PPL: variants seen among roughly 807,000 people sequenced by gnomAD.
The protein encoded by PPL is periplakin.
In PPL, 198 loss-of-function variants were observed where a neutral mutation model predicts 194.4. That is an observed-to-expected ratio of 1.02 (90% CI 0.91 to 1.15). The LOEUF (loss-of-function observed/expected upper bound fraction) is 1.15. PPL is among the 50% of genes most tolerant of loss of function. The pLI, the probability that PPL is intolerant of heterozygous loss-of-function variation, is 0.00. For synonymous variants in PPL, 1,220 were observed against 972.4 expected, an observed-to-expected ratio of 1.25 and a Z score of -4.74; for missense variants, 2,885 against 2,294.8, an observed-to-expected ratio of 1.26 and a Z score of -5.25.
chr16:4,899,425 C>T (rs751141639), intron 6 of PPL, 41 bp from the exon 7 acceptor site: 18 of 1,565,764 alleles, frequency 1.1e-5, no homozygotes, highest in African/African-American at 4.0e-5. Context: ...GTCCTCAGCC[C>T]GCTGCCACTG....
At chr16:4,912,334 A>G (rs554173276) in intron 1 of PPL, among the ~76,000 whole-genome samples, 5 of 152,368 alleles carry the variant, frequency 3.3e-5, no homozygotes, top group African/African-American at 1.2e-4. Context: ...GCCTTCTCTC[A>G]GCATAATGTT....
chr16:4,892,516 C>T (rs1266163430), intron 14 of PPL, among the ~76,000 whole-genome samples: 1 of 151,748 alleles, frequency 6.6e-6, no homozygotes, highest in Non-Finnish European at 1.5e-5. Context: ...TTGCGGCAAC[C>T]CCGGGAGGTG....
At chr16:4,892,296 C>A in intron 14 of PPL, 83 bp from the exon 15 acceptor site, 1 of 1,440,444 alleles carries the variant, frequency 6.9e-7, no homozygotes, top group Non-Finnish European at 9.4e-7. Context: ...AGCACAGATT[C>A]CCACATCAGG....
chr16:4,887,479 A>C (rs28478621), intron 20 of PPL, among the ~76,000 whole-genome samples: 11,412 of 152,178 alleles, frequency 0.075, 1,473 homozygotes, highest in African/African-American at 0.26. Context: ...CTCTTAGAGC[A>C]CCAGTGTTCT....
At chr16:4,898,110 G>GC (rs1428238173) in intron 8 of PPL, among the ~76,000 whole-genome samples, 1 of 152,224 alleles carries the variant, frequency 6.6e-6, no homozygotes, top group East Asian at 1.9e-4. Flanking sequence ...AGGCATGGTG[G>GC]CTCACACCTG....
Position 4,927,327 on chromosome 16 carries a change from G to A in PPL, c.62+9657C>T, listed in dbSNP as rs56091930. 9.7e-3 allele frequency among the ~76,000 whole-genome samples: 1,477 copies of A among 152,300 alleles called. 17 individuals are homozygous for A. Among genetic ancestry groups the A allele is most frequent in the African/African-American group, 0.034 (1,401 of 41,556 alleles). On this transcript the variant is annotated intron_variant, in intron 1 of 21. Coordinates refer to ENST00000345988, the MANE Select transcript of PPL (RefSeq NM_002705.5). ...TATCTCAAAGACAAGAGGGAGCGAG[G>A]CAATCCATGTAACTATGTGGTTCCC...
chr16:4,923,328 G>C (rs2089088403), intron 1 of PPL, among the ~76,000 whole-genome samples: 2 of 152,204 alleles, frequency 1.3e-5, no homozygotes, highest in Admixed American at 1.3e-4. Flanking sequence ...TCTTTTCTGA[G>C]AGCATTTGGG....
In PPL at chr16:4,893,224, T is replaced by C. The variant is rs370155540; in HGVS notation, c.1639A>G (p.Lys547Glu). The C allele has an allele frequency of 1.1e-5, 17 of 1,570,882 alleles. No individual in the cohort carries two copies. Among genetic ancestry groups the C allele is most frequent in the Admixed American group, 7.1e-5 (4 of 56,036 alleles). ...RAVQDSAERA[K>E]DLKNITNELL... ...TGACCCGCAGGTACCTTGAGGTCCT[T>C]GGCCCGCTCGGCACTGTCCTGCACA... is the stretch of plus-strand genomic sequence containing the variant. The change falls in exon 14 of 22, where the codon AAG becomes GAG. Residue 547 changes from lysine to glutamate, a missense_variant. Coordinates refer to ENST00000345988, the MANE Select transcript of PPL (RefSeq NM_002705.5).
chr16:4,888,836 A>T, intron 19 of PPL, 142 bp downstream of exon 19: 1 of 778,140 alleles, frequency 1.3e-6, no homozygotes, highest in Non-Finnish European at 2.3e-6. Context: ...AGCCTGTGCC[A>T]GTTTGCACAG....
At position 4,884,174 on chromosome 16, in the gene PPL, T is replaced by A. The variant is rs1364857530; in HGVS notation, c.4481A>T (p.Glu1494Val). 1 of 1,613,772 alleles carries A rather than the reference T, an allele frequency of 6.2e-7. No homozygotes were observed. Among genetic ancestry groups the A allele is most frequent in the African/African-American group, 1.3e-5 (1 of 74,904 alleles). Residue 1494 changes from glutamate to valine, a missense_variant, in exon 22 of 22, where the codon GAG (glutamate) becomes GTG (valine). Transcript: ENST00000345988. The surrounding 1 kb of genome is among the most constrained non-coding windows in gnomAD (Gnocchi z 5.7). ...RRKLAALEKA[E>V]VKEKVVLSES... ...GGAGAGCACCACCTTCTCCTTGACC[T>A]CCGCCTTCTCCAGTGCAGCCAGTTT...
intron 2 of PPL, 137 bp downstream of exon 2, chr16:4,910,713 A>G: frequency 1.3e-6 from 1 of 771,376 alleles, no homozygotes; most frequent in Non-Finnish European, 2.2e-6. Flanking sequence ...AAGCAGTGAC[A>G]ACCAAAATGT....
At chr16:4,917,058 G>A (rs949269642) in intron 1 of PPL, among the ~76,000 whole-genome samples, 1 of 152,076 alleles carries the variant, frequency 6.6e-6, no homozygotes, top group Admixed American at 6.5e-5. Context: ...CTTGAACCTG[G>A]GAGGCGGAGG....
chr16:4,888,943 C>A, intron 19 of PPL, 35 bp downstream of exon 19: 3 of 1,594,766 alleles, frequency 1.9e-6, no homozygotes, highest in Non-Finnish European at 2.6e-6. Flanking sequence ...AAGACCCCTG[C>A]TGTTTGTGCT....
At chr16:4,887,881 C>T (rs953272472) in intron 20 of PPL, among the ~76,000 whole-genome samples, 1 of 152,224 alleles carries the variant, frequency 6.6e-6, no homozygotes, top group South Asian at 2.1e-4. Flanking sequence ...CAGGTGTGAG[C>T]CACTGCGCCC....
chr16:4,892,278 C>G, intron 14 of PPL, 65 bp from the exon 15 acceptor site: 2 of 1,516,108 alleles, frequency 1.3e-6, no homozygotes, highest in Non-Finnish European at 1.8e-6. Context: ...GAGGATGTGC[C>G]CAGGGTGAGC....
chr16:4,936,996 A>G lies in PPL; in HGVS notation c.50T>C (p.Val17Ala), dbSNP rs755750230. The change falls in exon 1 of 22, where the codon GTG (valine) becomes GCG (alanine). Residue 17 changes from valine (V) to alanine (A), a missense_variant. Transcript: ENST00000345988. The stretch of plus-strand genomic sequence containing the variant: ...GGCGCCTCCTCACCTCCGGGTCTGC[A>G]CAGTGGGGCTGTATTTGCCTTTGTT... ...KRNKGKYSPT[V>A]QTRSISNKEL... 1.9e-6 allele frequency: 3 copies of G among 1,571,484 alleles called. No individual in the cohort carries two copies. The African/African-American group carries it at 4.2e-5, about 22-fold the overall frequency.
intron 1 of PPL, among the ~76,000 whole-genome samples, chr16:4,919,889 CACCA>C (rs1568047787): frequency 6.6e-6 from 1 of 151,970 alleles, no homozygotes; most frequent in Non-Finnish European, 1.5e-5. Flanking sequence ...AGTGAGATCG[CACCA>C]CTGCATTCCA....
chr16:4,889,238 G>GTTGGTTTTTTTTTTTTTTTTTTTTT, intron 18 of PPL, among the ~76,000 whole-genome samples, 177 bp from the exon 19 acceptor site: 1 of 21,788 alleles, frequency 4.6e-5, no homozygotes. Flanking sequence ...TTTTGTTGTT[G>GTTGGTTTTTTTTTTTTTTTTTTTTT]TTGTTTTTTT....
chr16:4,887,035 G>A (rs1033236432), intron 21 of PPL, 100 bp downstream of exon 21: 1 of 1,010,162 alleles, frequency 9.9e-7, no homozygotes, highest in Admixed American at 1.8e-5. Context: ...TTAGCAAGGG[G>A]ACACTTCCAT....
Sources: gnomAD v4.1 joint callset for allele counts (sites outside exome capture counted in the v4.1 genomes callset) on GRCh38, gnomAD v4.1.1 for gene constraint, Gnocchi (gnomAD v3.1) non-coding constraint, MANE v1.5 for transcripts, NCBI Gene and HGNC (gene_info 2026-07-23, HGNC 2026-07-21) for gene names.